MSN: variants seen among roughly 807,000 people sequenced by gnomAD.
MSN encodes moesin.
Under a neutral mutation model 48.0 loss-of-function variants are expected in MSN, and 2 were observed. The ratio of observed to expected loss-of-function variants is 0.04; its 90% CI spans 0.02 to 0.13. The LOEUF (loss-of-function observed/expected upper bound fraction) is 0.13, where lower values mean the gene tolerates loss of function less well. Among genes scored for constraint, MSN ranks in the 10% least tolerant of loss-of-function variants. The pLI, the probability that MSN is intolerant of heterozygous loss-of-function variation, is 1.00. For synonymous variants in MSN, 146 were observed against 166.9 expected (o/e 0.87, Z 0.97); for missense variants, 267 against 470.1 (o/e 0.57, Z 3.99).
intron 1 of MSN, among the ~76,000 whole-genome samples, chrX:65,650,049 T>C (rs1356187010): frequency 1.0e-5 from 1 of 97,359 alleles, no homozygotes; most frequent in Non-Finnish European, 2.0e-5. Flanking sequence ...CCTCCTTTTT[T>C]CTCTTTTTTT....
intron 1 of MSN, among the ~76,000 whole-genome samples, chrX:65,600,218 AGT>A (rs1196776007): frequency 9.0e-6 from 1 of 110,912 alleles, no homozygotes; most frequent in Non-Finnish European, 1.9e-5. Context: ...TTATGATTGG[AGT>A]GTGTGTGTCT....
At chrX:65,647,784 G>T (rs1204482601) in intron 1 of MSN, among the ~76,000 whole-genome samples, 2 of 112,038 alleles carry the variant, frequency 1.8e-5, no homozygotes, top group Non-Finnish European at 3.8e-5. Context: ...AGTTGGTAGA[G>T]AGAGGCTAGA....
chrX:65,697,206 G>T (rs1391752465), intron 1 of MSN, among the ~76,000 whole-genome samples: 2 of 110,227 alleles, frequency 1.8e-5, no homozygotes, highest in Admixed American at 9.7e-5. Flanking sequence ...CAGGCTGGGT[G>T]GGGGGTTGGG....
chrX:65,657,066 G>C (rs1000537534), intron 1 of MSN, among the ~76,000 whole-genome samples: 1 of 111,869 alleles, frequency 8.9e-6, no homozygotes, highest in Non-Finnish European at 1.9e-5. Flanking sequence ...AACAGTTGAG[G>C]CCAGAGTCGG....
At chrX:65,644,892 A>C (rs2070683653) in intron 1 of MSN, among the ~76,000 whole-genome samples, 1 of 112,541 alleles carries the variant, frequency 8.9e-6, no homozygotes. Context: ...TTTTCCCTGT[A>C]GGTGTCAGAA....
At chrX:65,640,326 GT>G (rs2070638938) in intron 1 of MSN, among the ~76,000 whole-genome samples, 1 of 111,494 alleles carries the variant, frequency 9.0e-6, no homozygotes, top group Admixed American at 9.6e-5. Context: ...GGATCATGAG[GT>G]CAGGAGTTTG....
chrX:65,706,154 G>GA (rs1212309652), intron 1 of MSN, among the ~76,000 whole-genome samples: 1 of 111,487 alleles, frequency 9.0e-6, no homozygotes, highest in Non-Finnish European at 1.9e-5. Flanking sequence ...CCCTCTTATG[G>GA]AAAAAAGCTA....
At chrX:65,660,050 T>A (rs2070810283) in intron 1 of MSN, among the ~76,000 whole-genome samples, 1 of 111,474 alleles carries the variant, frequency 9.0e-6, no homozygotes, top group East Asian at 2.8e-4. Flanking sequence ...GCTGTTTCAC[T>A]GCCGTCTTAA....
At position 65,716,601 on chromosome X, in the gene MSN, G is replaced by A. The variant is rs773568865; in HGVS notation, c.13-217G>A. The A allele has an allele frequency of 5.6e-4, 246 of 442,595 alleles. 1 individual carries two copies. The highest frequency in any genetic ancestry group is 1.2e-4 in the Admixed American group (4 of 33,882). 36.5% of individuals were successfully genotyped at this position (442,595 alleles called of 1,213,427 possible). ...TTCATGCTTGTCTGTTCTTTGGTAA[G>A]TATTGCTCTGTGGCTGTGTTGTTTG... is the stretch of plus-strand genomic sequence containing the variant. On this transcript the variant is annotated intron_variant, in intron 1 of 12. Coordinates refer to ENST00000360270, the MANE Select transcript of MSN (RefSeq NM_002444.3).
At position 65,739,097 on chromosome X, in the gene MSN, G is replaced by A. The variant is rs770193594; in HGVS notation, c.1472G>A (p.Ser491Asn). 1 of 1,210,503 alleles carries A rather than the reference G, an allele frequency of 8.3e-7. No homozygotes were observed. Among genetic ancestry groups the A allele is most frequent in the Non-Finnish European group, 1.1e-6 (1 of 895,302 alleles). Residue 491 changes from serine (S) to asparagine (N), a missense_variant, in exon 12 of 13, where the codon AGT (serine) becomes AAT (asparagine). Ser to Asn is a conservative substitution (Grantham distance 46). Transcript: ENST00000360270. Reference protein sequence around the residue: ...DEQDENGAEASADLRADAMAK... With the variant: ...DEQDENGAEANADLRADAMAK... The stretch of plus-strand genomic sequence containing the variant: ...CAGGATGAGAATGGGGCAGAGGCTA[G>A]TGCTGACCTACGGGCTGATGCTATG...
At chrX:65,667,370 G>A (rs761228821), upstream of MSN, among the ~76,000 whole-genome samples, 196 of 110,898 alleles carry the variant, frequency 1.8e-3, no homozygotes, top group Middle Eastern at 9.2e-3. Flanking sequence ...CCCAGGGTCT[G>A]GGCCCTGAGT....
chrX:65,664,055 A>G (rs111487737), upstream of MSN, among the ~76,000 whole-genome samples: 22,382 of 100,377 alleles, frequency 0.22, 7,175 homozygotes, highest in African/African-American at 0.81. Context: ...GTGAGACTCC[A>G]TCTCAAAAAA....
chrX:65,688,088 T>C (rs2071133472), intron 1 of MSN, among the ~76,000 whole-genome samples: 1 of 112,249 alleles, frequency 8.9e-6, no homozygotes, highest in Admixed American at 9.4e-5. Flanking sequence ...TGGCTGGCAT[T>C]GCCCTGTAAT....
intron 1 of MSN, among the ~76,000 whole-genome samples, chrX:65,619,496 G>A (rs1463140190): frequency 2.5e-3 from 246 of 96,790 alleles, no homozygotes; most frequent in African/African-American, 4.9e-3. Context: ...CCAGTTGATC[G>A]CATCGGCTCC....
intron 5 of MSN, among the ~76,000 whole-genome samples, chrX:65,731,391 G>A (rs2071621335): frequency 8.9e-6 from 1 of 112,106 alleles, no homozygotes; most frequent in African/African-American, 3.2e-5. Context: ...GCTGGTAACT[G>A]GTAGCCCAAA....
chrX:65,688,226 G>A (rs987162623), intron 1 of MSN, among the ~76,000 whole-genome samples: 1 of 111,522 alleles, frequency 9.0e-6, no homozygotes, highest in African/African-American at 3.3e-5. Flanking sequence ...GGCAGGTTAG[G>A]AATTATTATC....
intron 1 of MSN, among the ~76,000 whole-genome samples, chrX:65,606,380 G>A (rs931115620): frequency 9.1e-6 from 1 of 109,660 alleles, no homozygotes; most frequent in Non-Finnish European, 1.9e-5. Context: ...ACCCGCTTCA[G>A]CCTCCCAAAG....
In MSN at chrX:65,692,613, T is replaced by C. The variant is rs140580076; in HGVS notation, c.13-24205T>C. ...GTGAACTTGCCTGTTGGACCAGTTT[T>C]TGTATGTATCATAAAAATAAGTTTT... On this transcript the variant is annotated intron_variant, in intron 1 of 12. Coordinates refer to ENST00000360270, the MANE Select transcript of MSN (RefSeq NM_002444.3). 9.8e-5 allele frequency among the ~76,000 whole-genome samples: 11 copies of C among 112,793 alleles called. No individual in the cohort carries two copies. In the East Asian group the frequency reaches 2.8e-3, roughly 28 times the overall value.
At chrX:65,736,463 C>T (rs1287864200) in intron 8 of MSN, among the ~76,000 whole-genome samples, 21 of 102,307 alleles carry the variant, frequency 2.1e-4, no homozygotes, top group African/African-American at 7.8e-4. Flanking sequence ...TAGATGGAGT[C>T]TTGCTCTTTT....
Sources: allele counts gnomAD v4.1 joint callset (sites outside exome capture counted in the v4.1 genomes callset), GRCh38; gene constraint gnomAD v4.1.1; transcripts MANE v1.5; gene names NCBI Gene and HGNC (gene_info 2026-07-23, HGNC 2026-07-21).